TTF2: variants seen among roughly 807,000 people sequenced by gnomAD.
TTF2 encodes the protein transcription termination factor 2.
A neutral mutation model predicts 142.4 loss-of-function variants in TTF2; 108 were observed. The observed-to-expected ratio is 0.76, with a 90% CI of 0.65 to 0.89. The LOEUF is 0.89. Ranked by LOEUF, TTF2 falls within the 40% of genes least tolerant of loss-of-function variation. The probability of loss-of-function intolerance (pLI) is 0.00; values close to 1 mark genes in which losing one functional copy is unlikely to be tolerated. For missense variants in TTF2, 1,327 were observed against 1,379.8 expected (o/e 0.96, Z 0.61); for synonymous variants, 483 against 506.2 (o/e 0.95, Z 0.61).
At position 117,063,262 on chromosome 1, in the gene TTF2, G is replaced by A. The variant is rs1655828287; in HGVS notation, c.218+789G>A. 6.6e-6 allele frequency among the ~76,000 whole-genome samples: 1 copy of A among 151,990 alleles called. No homozygotes were observed. ...TCTATTTTTCTTAATTTAGTTATAT[G>A]TATAGTAAGATACACAAGTCTTAAG... On this transcript the variant is annotated intron_variant, in intron 3 of 22. Coordinates refer to ENST00000369466, the MANE Select transcript of TTF2 (RefSeq NM_003594.4). The surrounding 1 kb of genome is among the most constrained non-coding windows in gnomAD (Gnocchi z 4.1).
At chr1:117,065,747 G>C (rs1312663987) in intron 3 of TTF2, among the ~76,000 whole-genome samples, 1 of 149,878 alleles carries the variant, frequency 6.7e-6, no homozygotes, top group African/African-American at 2.5e-5. Context: ...TTTTCTGCTG[G>C]TATAGTAGGG....
At position 117,063,779 on chromosome 1, in the gene TTF2, A is replaced by G. The variant is rs771331063; in HGVS notation, c.218+1306A>G. ...TGTAGACTTTATCCAGTTTCCCCCA[A>G]TGGTAACGTTTGCAAGGCTTAGAAA... On this transcript the variant is annotated intron_variant, in intron 3 of 22. Transcript: ENST00000369466. This position sits in a 1 kb window ranked among gnomAD's most constrained non-coding sequence, Gnocchi z 4.1. Among the ~76,000 whole-genome samples the G allele has an allele frequency of 4.7e-4, 72 of 152,288 alleles. No individual in the cohort carries two copies. The highest frequency in any genetic ancestry group is 4.1e-4 in the South Asian group (2 of 4,824).
In TTF2 at chr1:117,076,617, G is replaced by T; in HGVS notation, c.1391-24G>T. On this transcript the variant is annotated intron_variant, in intron 6 of 22. Transcript: ENST00000369466. The surrounding 1 kb of genome is among the most constrained non-coding windows in gnomAD (Gnocchi z 4.6). Reference sequence around the variant, plus strand: ...CACTTAGTTTGCTGAACTTTAATCTGCTCTTCCCTTGTTTTCTGAGCAGGA... The same window carrying T: ...CACTTAGTTTGCTGAACTTTAATCTTCTCTTCCCTTGTTTTCTGAGCAGGA... The T allele has an allele frequency of 6.3e-7, 1 of 1,588,824 alleles. No individual in the cohort carries two copies. Among genetic ancestry groups the T allele is most frequent in the South Asian group, 1.2e-5 (1 of 86,302 alleles).
In TTF2 at chr1:117,069,078, T is replaced by G. The variant is rs1656378856; in HGVS notation, c.219-4583T>G. Among the ~76,000 whole-genome samples, 3 of 152,176 alleles carry G rather than the reference T, an allele frequency of 2.0e-5. No homozygotes were observed. In the South Asian group the frequency reaches 6.2e-4, roughly 32 times the overall value. ...AGGACTACAAGAATATTCATATCTGTTTTTTTTCCTAGAACATTTACAATT... is the reference window on the plus strand; with the variant it reads ...AGGACTACAAGAATATTCATATCTGGTTTTTTTCCTAGAACATTTACAATT... On this transcript the variant is annotated intron_variant, in intron 3 of 22. Transcript: ENST00000369466.
Position 117,086,636 on chromosome 1 carries a change from A to AT in TTF2, c.2160+114_2160+115insT. ...CCTCCCTGGAGGTCAGGAATGCTGT[A>AT]AATGATCCGCATGTGGAAAGGAATT... On this transcript the variant is annotated intron_variant, in intron 12 of 22. Coordinates refer to ENST00000369466, the MANE Select transcript of TTF2 (RefSeq NM_003594.4). This position sits in a 1 kb window ranked among gnomAD's most constrained non-coding sequence, Gnocchi z 4.2. The AT allele has an allele frequency of 1.4e-6, 1 of 699,646 alleles. No homozygotes were observed. The highest frequency in any genetic ancestry group is 2.7e-5 in the East Asian group (1 of 36,802). 43.3% of individuals were successfully genotyped at this position (699,646 alleles called of 1,614,324 possible).
rs776603916 is a variant in TTF2 at position 117,096,305 on chromosome 1, A to T, written c.3186+6A>T. The T allele has an allele frequency of 4.3e-6, 7 of 1,613,914 alleles. No homozygotes were observed. Among genetic ancestry groups the T allele is most frequent in the Non-Finnish European group, 5.9e-6 (7 of 1,179,980 alleles). Reference sequence around the variant, plus strand: ...ACCACTCCAGAGGCCCTCAGGTACAAGCTGGTCACATCAGAGCCGCATAAT... The same window carrying T: ...ACCACTCCAGAGGCCCTCAGGTACATGCTGGTCACATCAGAGCCGCATAAT... On this transcript the variant is annotated splice_donor_region_variant and intron_variant, in intron 20 of 22. Transcript: ENST00000369466.
intron 3 of TTF2, among the ~76,000 whole-genome samples, chr1:117,071,321 A>C (rs1656557641): frequency 6.6e-6 from 1 of 152,134 alleles, no homozygotes; most frequent in Non-Finnish European, 1.5e-5. Context: ...CACAACTGGA[A>C]AAAAATAATA....
rs1351049774 is a variant in TTF2, at chr1:117,076,941, A to G, written c.1573+118A>G. 1 of 896,762 alleles carries G rather than the reference A, an allele frequency of 1.1e-6. No individual in the cohort carries two copies. Among genetic ancestry groups the G allele is most frequent in the East Asian group, 2.7e-5 (1 of 37,618 alleles). The allele number at this position is 896,762 out of a possible 1,614,324, so 55.6% of individuals were successfully genotyped here. A position where few individuals can be genotyped will look rare whatever the true frequency, so the allele number is the denominator to read the frequency against. ...GTTAACCTTAGTCACCTGTGGTTCA[A>G]AAAAAGGTGAGTACAGTACAGTAAG... On this transcript the variant is annotated intron_variant, in intron 7 of 22. Coordinates refer to ENST00000369466, the MANE Select transcript of TTF2 (RefSeq NM_003594.4). The surrounding 1 kb of genome is among the most constrained non-coding windows in gnomAD (Gnocchi z 4.6).
At chr1:117,061,837 A>AT (rs1488785799) in intron 2 of TTF2, among the ~76,000 whole-genome samples, 4 of 152,260 alleles carry the variant, frequency 2.6e-5, no homozygotes, top group African/African-American at 9.6e-5. Flanking sequence ...GGCCAAAAAA[A>AT]GTGCCACAGG....
intron 3 of TTF2, among the ~76,000 whole-genome samples, chr1:117,068,431 T>C (rs1429950846): frequency 6.6e-6 from 1 of 151,512 alleles, no homozygotes; most frequent in African/African-American, 2.4e-5. Flanking sequence ...CATTAGGAGA[T>C]ATACTTAATG....
chr1:117,079,745 T>TG lies in TTF2; in HGVS notation c.1783+97dup. ...TCATTTATTCCTCTCAAGAACTCTA[T>TG]GAGGCAGGTACTATTATTCCTCATT... On this transcript the variant is annotated intron_variant, in intron 9 of 22. Transcript: ENST00000369466. The surrounding 1 kb of genome is among the most constrained non-coding windows in gnomAD (Gnocchi z 4.2). The TG allele has an allele frequency of 8.5e-7, 1 of 1,170,932 alleles. No homozygotes were observed. The highest frequency in any genetic ancestry group is 1.3e-6 in the Non-Finnish European group (1 of 787,554). 72.5% of individuals were successfully genotyped at this position (1,170,932 alleles called of 1,614,324 possible). A position where few individuals can be genotyped will look rare whatever the true frequency, so the allele number is the denominator to read the frequency against.
At chr1:117,065,076 C>T (rs1003916315) in intron 3 of TTF2, among the ~76,000 whole-genome samples, 1 of 152,058 alleles carries the variant, frequency 6.6e-6, no homozygotes, top group African/African-American at 2.4e-5. Flanking sequence ...TCCATTGATC[C>T]ATTTGCCTAT....
At chr1:117,094,034 C>T (rs1324622744) in intron 18 of TTF2, among the ~76,000 whole-genome samples, 2 of 152,228 alleles carry the variant, frequency 1.3e-5, no homozygotes, top group African/African-American at 4.8e-5. Flanking sequence ...CCAGGCACAT[C>T]AGTGTCTCTG....
At chr1:117,095,820 G>C (rs1158535545) in intron 19 of TTF2, among the ~76,000 whole-genome samples, 1 of 152,236 alleles carries the variant, frequency 6.6e-6, no homozygotes, top group Non-Finnish European at 1.5e-5. Context: ...AGGGTGGTCA[G>C]TGTGTCCCTT....
chr1:117,067,870 A>T (rs565490594), intron 3 of TTF2, among the ~76,000 whole-genome samples: 2 of 152,268 alleles, frequency 1.3e-5, no homozygotes, highest in Non-Finnish European at 2.9e-5. Context: ...GCAACAGAGT[A>T]ATAGAAGGGA....
Position 117,076,759 on chromosome 1 carries a change from G to C in TTF2, c.1509G>C (p.Val503=), listed in dbSNP as rs1440113665. Residue 503 remains valine (V), a synonymous_variant, in exon 7 of 23, where the codon GTG becomes GTC. Coordinates refer to ENST00000369466, the MANE Select transcript of TTF2 (RefSeq NM_003594.4). The surrounding 1 kb of genome is among the most constrained non-coding windows in gnomAD (Gnocchi z 4.6). ...QPLPRRGTQP[V]GSLELKSACQ... is the part of the protein sequence containing the mutation. Reference sequence around the variant, plus strand: ...TTCCTCGTCGTGGTACCCAACCTGTGGGTTCTCTAGAACTAAAGTCTGCCT... The same window carrying C: ...TTCCTCGTCGTGGTACCCAACCTGTCGGTTCTCTAGAACTAAAGTCTGCCT... 6 of 1,614,082 alleles carry C rather than the reference G, an allele frequency of 3.7e-6. No homozygotes were observed. Among genetic ancestry groups the C allele is most frequent in the South Asian group, 3.3e-5 (3 of 91,074 alleles).
At chr1:117,094,501 C>G in intron 18 of TTF2, 1 of 442,366 alleles carries the variant, frequency 2.3e-6, no homozygotes, top group South Asian at 1.6e-5. Context: ...CTCAAGTGCA[C>G]CCTAAGGGTT....
intron 18 of TTF2, 117 bp from the exon 19 acceptor site, chr1:117,095,192 A>C (rs1557830506): frequency 2.3e-6 from 2 of 884,102 alleles, no homozygotes; most frequent in Admixed American, 2.1e-5. Flanking sequence ...GGTGGAATAA[A>C]GACAGGTGAG....
In TTF2 at chr1:117,091,415, G is replaced by A. The variant is rs1557826576; in HGVS notation, c.2671+5G>A. On this transcript the variant is annotated splice_donor_5th_base_variant and intron_variant, in intron 16 of 22. Transcript: ENST00000369466. ...CTAATAATCCATTCAGTAGAGGTAA[G>A]CTGTAGGACTCTCATAAATACATAT... 3.1e-6 allele frequency: 5 copies of A among 1,607,398 alleles called. No homozygotes were observed. The highest frequency in any genetic ancestry group is 4.2e-6 in the Non-Finnish European group (5 of 1,178,210).
Sources: gnomAD v4.1 joint callset for allele counts (sites outside exome capture counted in the v4.1 genomes callset) on GRCh38, gnomAD v4.1.1 for gene constraint, Gnocchi (gnomAD v3.1) non-coding constraint, MANE v1.5 for transcripts, NCBI Gene and HGNC (gene_info 2026-07-23, HGNC 2026-07-21) for gene names.